Variants in MTRFR observed in about 807,000 individuals in gnomAD.
MTRFR encodes probable peptide chain release factor C12orf65, mitochondrial.
In MTRFR, 10 loss-of-function variants were observed where a neutral mutation model predicts 11.9. That is an observed-to-expected ratio of 0.84 (90% CI 0.52 to 1.42). MTRFR has a LOEUF of 1.42. Among genes scored for constraint, MTRFR ranks in the 40% most tolerant of loss-of-function variants. The pLI, the probability that MTRFR is intolerant of heterozygous loss-of-function variation, is 0.00. For missense variants in MTRFR, 196 were observed against 197.9 expected, an observed-to-expected ratio of 0.99 and a Z score of 0.06; for synonymous variants, 77 against 79.1, an observed-to-expected ratio of 0.97 and a Z score of 0.14.
In MTRFR at chr12:123,253,887, G is replaced by C; in HGVS notation, c.213G>C (p.Gly71=). ...AGTTTGTGAAAGGACACGGTCCAGG[G>C]GGCCAGGCAACCAACAAAACCAGCA... ...EEQFVKGHGP[G]GQATNKTSNC... The change falls in exon 2 of 3, where the codon GGG becomes GGC. Residue 71 remains glycine, a synonymous_variant. Coordinates refer to ENST00000253233, the MANE Select transcript of MTRFR (RefSeq NM_152269.5). 6.2e-7 allele frequency: 1 copy of C among 1,614,196 alleles called. No homozygotes were observed. The highest frequency in any genetic ancestry group is 8.5e-7 in the Non-Finnish European group (1 of 1,180,026).
intron 2 of MTRFR, among the ~76,000 whole-genome samples, chr12:123,255,609 A>G (rs1476988135): frequency 6.6e-6 from 1 of 151,922 alleles, no homozygotes; most frequent in Non-Finnish European, 1.5e-5. Context: ...GGCATGCCCC[A>G]CCACACTCAG....
At chr12:123,254,520 C>T (rs1189964012) in intron 2 of MTRFR, 1 of 158,852 alleles carries the variant, frequency 6.3e-6, no homozygotes, top group African/African-American at 2.4e-5. Context: ...GATACCTCCT[C>T]TTCTGGACAG....
intron 1 of MTRFR, among the ~76,000 whole-genome samples, chr12:123,239,185 C>G (rs1341159038): frequency 4.6e-5 from 7 of 152,134 alleles, no homozygotes; most frequent in Admixed American, 4.6e-4. Context: ...GAGAGGATGG[C>G]TAGAGCCTGG....
chr12:123,253,610 CCT>C, intron 1 of MTRFR, 35 bp from the exon 2 acceptor site: 1 of 1,592,162 alleles, frequency 6.3e-7, no homozygotes, highest in Non-Finnish European at 8.6e-7. Context: ...AGGGCAGATG[CCT>C]CTTACTGAAA....
At chr12:123,234,529 G>A (rs1009072652) in intron 1 of MTRFR, among the ~76,000 whole-genome samples, 3 of 152,098 alleles carry the variant, frequency 2.0e-5, no homozygotes, top group African/African-American at 7.2e-5. Flanking sequence ...CCGAGTAGCC[G>A]GGAATACCGG....
At chr12:123,239,165 A>G (rs1470262353) in intron 1 of MTRFR, among the ~76,000 whole-genome samples, 1 of 152,134 alleles carries the variant, frequency 6.6e-6, no homozygotes, top group Non-Finnish European at 1.5e-5. Context: ...ACTACTCAGG[A>G]GGCTGCGGTG....
chr12:123,234,947 A>G (rs892077165), intron 1 of MTRFR, among the ~76,000 whole-genome samples: 2 of 152,190 alleles, frequency 1.3e-5, no homozygotes, highest in African/African-American at 4.8e-5. Flanking sequence ...ATGGCTTATC[A>G]AGTACTTCTT....
rs373247321 is a variant in MTRFR, at chr12:123,253,667, C to T, written c.-8C>T. 1.6e-4 allele frequency: 257 copies of T among 1,614,164 alleles called. 1 individual carries two copies. The South Asian group carries it at 2.6e-3, about 16-fold the overall frequency. On this transcript the variant is annotated 5_prime_UTR_variant, in exon 2 of 3. It adds an upstream start codon to the 5' untranslated region. Transcript: ENST00000253233. Reference sequence around the variant, plus strand: ...CCCAGGTCCTCAGCCAGCAGAGCCACGTTCCTTATGAGCACCGTGGGTTTA... The same window carrying T: ...CCCAGGTCCTCAGCCAGCAGAGCCATGTTCCTTATGAGCACCGTGGGTTTA...
intron 1 of MTRFR, chr12:123,250,126 C>T (rs1446740126): frequency 3.9e-5 from 6 of 152,176 alleles, no homozygotes; most frequent in Admixed American, 2.6e-4. Flanking sequence ...ACCTTGTCTT[C>T]GAGCTCTGAA....
Position 123,257,123 on chromosome 12 carries a change from T to C in MTRFR, c.*92T>C, listed in dbSNP as rs1000022321. 1.1e-5 allele frequency: 11 copies of C among 966,758 alleles called. No homozygotes were observed. In the African/African-American group the frequency reaches 1.2e-4, roughly 10 times the overall value. The allele number at this position is 966,758 out of a possible 1,614,324, so 59.9% of individuals were successfully genotyped here. A position where few individuals can be genotyped will look rare whatever the true frequency, so the allele number is the denominator to read the frequency against. On this transcript the variant is annotated 3_prime_UTR_variant, in exon 3 of 3. Coordinates refer to ENST00000253233, the MANE Select transcript of MTRFR (RefSeq NM_152269.5). ...TCCATCACCAGCATTATTATAGTGC[T>C]TCAAAAGAAATATTTTTGATGAACT... is the stretch of plus-strand genomic sequence containing the variant.
chr12:123,235,412 G>A (rs2047829865), intron 1 of MTRFR, among the ~76,000 whole-genome samples: 1 of 152,006 alleles, frequency 6.6e-6, no homozygotes, highest in Non-Finnish European at 1.5e-5. Context: ...TGAGTTTTGT[G>A]TGTGTGTGTG....
At chr12:123,240,066 T>A (rs1257345900) in intron 1 of MTRFR, among the ~76,000 whole-genome samples, 2 of 151,992 alleles carry the variant, frequency 1.3e-5, no homozygotes, top group Non-Finnish European at 2.9e-5. Context: ...GTGAGCTGGT[T>A]AGAAATGCAG....
chr12:123,244,930 ATTTTTTTTTTTTTTTT>A (rs544105176), intron 1 of MTRFR, among the ~76,000 whole-genome samples: 7 of 65,096 alleles, frequency 1.1e-4, no homozygotes, highest in African/African-American at 4.1e-4. Context: ...CGCACCCGGC[ATTTTTTTTTTTTTTTT>A]TTTTTTTTTT....
intron 1 of MTRFR, among the ~76,000 whole-genome samples, chr12:123,242,522 C>T (rs889131598): frequency 3.9e-5 from 6 of 152,118 alleles, no homozygotes; most frequent in African/African-American, 1.4e-4. Flanking sequence ...GTGTGTTTGT[C>T]ATTTTTAGCA....
chr12:123,251,143 C>T (rs190173037), intron 1 of MTRFR: 2 of 152,382 alleles, frequency 1.3e-5, no homozygotes, highest in East Asian at 3.9e-4. Context: ...CAGGCCTCAC[C>T]CAGCTCCCAC....
chr12:123,247,648 A>G (rs1240229641), intron 1 of MTRFR, among the ~76,000 whole-genome samples: 1 of 152,150 alleles, frequency 6.6e-6, no homozygotes, highest in Non-Finnish European at 1.5e-5. Context: ...CAATGTTAGT[A>G]TTGAAATGAG....
chr12:123,252,225 G>A (rs2048122089), intron 1 of MTRFR: 1 of 152,158 alleles, frequency 6.6e-6, no homozygotes, highest in Non-Finnish European at 1.5e-5. Context: ...CTTGACCTTA[G>A]GGAGTTCAAG....
In MTRFR at chr12:123,242,005, T is replaced by C. The variant is rs571281478; in HGVS notation, c.-29+8474T>C. On this transcript the variant is annotated intron_variant, in intron 1 of 2. Coordinates refer to ENST00000253233, the MANE Select transcript of MTRFR (RefSeq NM_152269.5). ...TATCCATCCTCAGCTATCACATGTA[T>C]CCTGTTTGTGCTTGTCTTCATTTCT... Among the ~76,000 whole-genome samples the C allele has an allele frequency of 2.6e-5, 4 of 152,322 alleles. No homozygotes were observed. In the South Asian group the frequency reaches 8.3e-4, roughly 32 times the overall value.
intron 1 of MTRFR, among the ~76,000 whole-genome samples, chr12:123,238,880 C>T (rs990984885): frequency 2.6e-5 from 4 of 152,118 alleles, no homozygotes; most frequent in African/African-American, 9.7e-5. Context: ...ATAAAGTAGC[C>T]ACCAGCACAT....
Sources: gnomAD v4.1 joint callset for allele counts (sites outside exome capture counted in the v4.1 genomes callset) on GRCh38, gnomAD v4.1.1 for gene constraint, MANE v1.5 for transcripts, NCBI Gene and HGNC (gene_info 2026-07-23, HGNC 2026-07-21) for gene names.